ABCA9: variants seen among roughly 807,000 people sequenced by gnomAD.
The protein encoded by ABCA9 is ATP binding cassette subfamily A member 9, also known as ATP-binding cassette sub-family A member 9.
ABCA9 carries 183 observed loss-of-function variants against 205.3 expected under a neutral mutation model. That is an observed-to-expected ratio of 0.89 (90% CI 0.79 to 1.01). The LOEUF is 1.01. Among genes scored for constraint, ABCA9 ranks in the 50% least tolerant of loss-of-function variants. ABCA9 has a pLI of 0.00. For synonymous variants in ABCA9, 651 were observed against 683.3 expected (o/e 0.95, Z 0.74); for missense variants, 1,805 against 1,912.4 (o/e 0.94, Z 1.05).
At chr17:69,065,470 ATT>A (rs755370419), upstream of ABCA9, among the ~76,000 whole-genome samples, 1 of 150,706 alleles carries the variant, frequency 6.6e-6, no homozygotes. Flanking sequence ...ATGTACAAGA[ATT>A]TTTTTTTTAA....
intron 1 of ABCA9, among the ~76,000 whole-genome samples, chr17:69,052,234 A>G (rs1397271251): frequency 6.6e-6 from 1 of 152,066 alleles, no homozygotes; most frequent in Non-Finnish European, 1.5e-5. Context: ...AATTAGCTGG[A>G]CATGGTCCTT....
At chr17:69,078,955 A>G in the ABCA9 span, 3 of 1,536,672 alleles carry the variant, frequency 2.0e-6, no homozygotes, top group Non-Finnish European at 2.7e-6. Context: ...TCAACAAAAA[A>G]TTACTAGGTT....
chr17:68,990,039 C>T (rs1452845301), intron 29 of ABCA9, 109 bp from the exon 30 acceptor site: 2 of 768,834 alleles, frequency 2.6e-6, no homozygotes, highest in Non-Finnish European at 4.3e-6. Flanking sequence ...TGAATCAAAC[C>T]ACTTCTTCCC....
At chr17:68,987,649 T>C (rs1181627994) in intron 31 of ABCA9, among the ~76,000 whole-genome samples, 1 of 152,150 alleles carries the variant, frequency 6.6e-6, no homozygotes, top group East Asian at 1.9e-4. Flanking sequence ...GACCACATCA[T>C]GCTGGGCTGG....
intron 22 of ABCA9, among the ~76,000 whole-genome samples, chr17:69,014,217 T>C (rs2070492776): frequency 5.3e-5 from 8 of 152,214 alleles, no homozygotes; most frequent in Admixed American, 5.2e-4. Context: ...ACTCTTTGAG[T>C]GCCAACATGA....
At chr17:69,041,872 A>G (rs189204848) in intron 6 of ABCA9, among the ~76,000 whole-genome samples, 21 of 152,190 alleles carry the variant, frequency 1.4e-4, no homozygotes, top group African/African-American at 5.1e-4. Flanking sequence ...CCACTTCTCC[A>G]CCCGGTATAT....
chr17:68,991,053 A>T (rs995969690), intron 28 of ABCA9, 96 bp from the exon 29 acceptor site: 28 of 1,386,154 alleles, frequency 2.0e-5, no homozygotes, highest in Non-Finnish European at 2.7e-5. Flanking sequence ...TTTGGAGTAG[A>T]TTCATTCAGA....
At chr17:69,049,233 T>C (rs769309868) in intron 3 of ABCA9, 50 bp downstream of exon 3, 9 of 1,457,810 alleles carry the variant, frequency 6.2e-6, no homozygotes, top group Non-Finnish European at 8.4e-6. Context: ...CAAAATGAAT[T>C]TGTGCCTTTT....
intron 1 of ABCA9, among the ~76,000 whole-genome samples, chr17:69,055,977 AAC>A (rs936930943): frequency 3.3e-5 from 5 of 152,190 alleles, no homozygotes; most frequent in African/African-American, 4.8e-5. Context: ...TAAAAATGAA[AAC>A]ACAGCTTATC....
intron 20 of ABCA9, chr17:69,018,211 G>A: frequency 2.1e-6 from 1 of 480,650 alleles, no homozygotes; most frequent in African/African-American, 2.0e-5. Context: ...CAAACATTAA[G>A]GTTAAGTAAA....
At chr17:69,022,125 T>A (rs546720027) in intron 17 of ABCA9, 1 of 168,954 alleles carries the variant, frequency 5.9e-6, no homozygotes, top group South Asian at 2.0e-4. Context: ...ATATATTTTT[T>A]AAAATTTATT....
chr17:68,996,166 G>A lies in ABCA9; in HGVS notation c.3436-152C>T, dbSNP rs142168557. On this transcript the variant is annotated intron_variant, in intron 25 of 38. Coordinates refer to ENST00000340001, the MANE Select transcript of ABCA9 (RefSeq NM_080283.4). The stretch of plus-strand genomic sequence containing the variant: ...ATATCATTTCTTTCCTTTGCAACAT[G>A]GAATTTCATCACAGTTTTGTATGGG... 262 of 753,356 alleles carry A rather than the reference G, an allele frequency of 3.5e-4. No individual in the cohort carries two copies. The African/African-American group carries it at 4.2e-3, about 12-fold the overall frequency. The allele number at this position is 753,356 out of a possible 1,614,324, so 46.7% of individuals were successfully genotyped here. A position where few individuals can be genotyped will look rare whatever the true frequency, so the allele number is the denominator to read the frequency against.
At chr17:68,981,011 C>T (rs1346809576) in intron 37 of ABCA9, among the ~76,000 whole-genome samples, 4 of 150,764 alleles carry the variant, frequency 2.7e-5, no homozygotes, top group African/African-American at 4.9e-5. Flanking sequence ...GGCACAGCCA[C>T]ACAAATAGTG....
chr17:69,027,056 C>T lies in ABCA9; in HGVS notation c.1970G>A (p.Trp657Ter), dbSNP rs1377258830. The T allele has an allele frequency of 6.2e-7, 1 of 1,614,098 alleles. No homozygotes were observed. The highest frequency in any genetic ancestry group is 8.5e-7 in the Non-Finnish European group (1 of 1,179,986). Reference protein sequence around the residue: ...GLDPLSRHRIWNLLKEGKSDR... With the variant: ...GLDPLSRHRI ...TGATTTCCCCTCTTTCAGGAGATTC[C>T]ATATTCGGTGCCTTGAAAGAGGATC... is the stretch of plus-strand genomic sequence containing the variant. Residue 657 changes from tryptophan to a stop codon, truncating the protein, a stop_gained, in exon 15 of 39, where the codon TGG becomes TAG. Coordinates refer to ENST00000340001, the MANE Select transcript of ABCA9 (RefSeq NM_080283.4). LOFTEE classifies it high-confidence loss of function.
intron 15 of ABCA9, among the ~76,000 whole-genome samples, chr17:69,026,747 T>TA (rs1375197523): frequency 1.3e-5 from 2 of 152,184 alleles, no homozygotes; most frequent in Non-Finnish European, 2.9e-5. Context: ...AATTGTATCT[T>TA]AGAAAGTGTG....
chr17:69,009,747 G>A (rs1212297246), intron 23 of ABCA9, among the ~76,000 whole-genome samples: 1 of 152,078 alleles, frequency 6.6e-6, no homozygotes, highest in African/African-American at 2.4e-5. Context: ...GTGTTTTGTA[G>A]GAGAGATGGA....
rs538535202 is a variant in ABCA9 at position 69,027,728 on chromosome 17, T to C, written c.1703A>G (p.Asn568Ser). 5.6e-6 allele frequency: 9 copies of C among 1,613,178 alleles called. No homozygotes were observed. Among genetic ancestry groups the C allele is most frequent in the South Asian group, 3.3e-5 (3 of 90,976 alleles). Residue 568 changes from asparagine to serine, a missense_variant, in exon 13 of 39, where the codon AAT becomes AGT. By Grantham distance (46) the Asn-to-Ser change is conservative. Transcript: ENST00000340001. ...SKFTGFCPQS[N>S]VQFGFLTVKE... ...CACAGTGAGAAATCCAAATTGCACA[T>C]TGGATTGTGGACAAAATCCAGTGAA... is the stretch of plus-strand genomic sequence containing the variant.
intron 18 of ABCA9, among the ~76,000 whole-genome samples, chr17:69,021,474 A>T (rs1186088487): frequency 3.3e-5 from 5 of 152,156 alleles, no homozygotes; most frequent in Non-Finnish European, 7.4e-5. Flanking sequence ...TAGCATGTAT[A>T]TTCAGGTAAT....
chr17:68,981,409 A>G (rs910884400), intron 37 of ABCA9, among the ~76,000 whole-genome samples: 5 of 152,110 alleles, frequency 3.3e-5, no homozygotes, highest in African/African-American at 4.8e-5. Context: ...TGAAACATCA[A>G]TCTCTGCTCC....
Sources: allele counts gnomAD v4.1 joint callset (sites outside exome capture counted in the v4.1 genomes callset), GRCh38; gene constraint gnomAD v4.1.1; transcripts MANE v1.5; gene names NCBI Gene and HGNC (gene_info 2026-07-23, HGNC 2026-07-21).